The following TOX3 variants were observed in gnomAD, a reference collection of about 807,000 sequenced individuals.
TOX3 encodes CAG trinucleotide repeat-containing gene F9 protein.
In TOX3, 22 loss-of-function variants were observed where a neutral mutation model predicts 64.3. That is an observed-to-expected ratio of 0.34 (90% CI 0.24 to 0.49). The LOEUF is 0.49. Among genes scored for constraint, TOX3 ranks in the 20% least tolerant of loss-of-function variants. The probability of loss-of-function intolerance (pLI) is 0.99; values close to 1 mark genes in which losing one functional copy is unlikely to be tolerated. For missense variants in TOX3, 661 were observed against 714.4 expected, an observed-to-expected ratio of 0.93 and a Z score of 0.85; for synonymous variants, 291 against 273.6, an observed-to-expected ratio of 1.06 and a Z score of -0.63.
At chr16:52,484,962 A>T (rs1961470856) in intron 1 of TOX3, among the ~76,000 whole-genome samples, 1 of 151,908 alleles carries the variant, frequency 6.6e-6, no homozygotes, top group African/African-American at 2.4e-5. Flanking sequence ...TTGCAGCACT[A>T]TTCACAATAG....
At chr16:52,443,205 C>A (rs1248319445) in intron 6 of TOX3, among the ~76,000 whole-genome samples, 1 of 152,218 alleles carries the variant, frequency 6.6e-6, no homozygotes, top group African/African-American at 2.4e-5. Context: ...CCCACACAGT[C>A]AGCTGTTTTC....
At chr16:52,541,028 G>C (rs1321239796) in intron 1 of TOX3, among the ~76,000 whole-genome samples, 1 of 151,964 alleles carries the variant, frequency 6.6e-6, no homozygotes, top group Non-Finnish European at 1.5e-5. Flanking sequence ...CTTGACCTTA[G>C]AAGGCCCTCT....
At chr16:52,444,042 A>C (rs931920955) in intron 6 of TOX3, among the ~76,000 whole-genome samples, 4 of 152,202 alleles carry the variant, frequency 2.6e-5, no homozygotes, top group Admixed American at 6.5e-5. Context: ...CTACATACAC[A>C]TATATAAAGA....
At chr16:52,461,092 T>TA (rs199805931) in intron 3 of TOX3, among the ~76,000 whole-genome samples, 89 of 151,448 alleles carry the variant, frequency 5.9e-4, no homozygotes, top group East Asian at 1.4e-3. Flanking sequence ...AGAGAGGTGT[T>TA]AAAAAAAAAC....
chr16:52,515,597 A>G (rs1962432777), intron 1 of TOX3, among the ~76,000 whole-genome samples: 1 of 152,222 alleles, frequency 6.6e-6, no homozygotes, highest in Non-Finnish European at 1.5e-5. Context: ...TCAGTGATCA[A>G]GTGTAACACC....
In TOX3 at chr16:52,455,571, T is replaced by C. The variant is rs143705841; in HGVS notation, c.409-5025A>G. Among the ~76,000 whole-genome samples, 110 of 152,164 alleles carry C rather than the reference T, an allele frequency of 7.2e-4. 4 individuals are homozygous for C. The highest frequency in any genetic ancestry group is 2.9e-5 in the Non-Finnish European group (2 of 68,032). On this transcript the variant is annotated intron_variant, in intron 3 of 6. Coordinates refer to ENST00000219746, the MANE Select transcript of TOX3 (RefSeq NM_001080430.4). ...CACATAAACAAGATTCCAACTGTGA[T>C]AAATATTGGGAAGAAAATAAATAGG...
intron 1 of TOX3, among the ~76,000 whole-genome samples, chr16:52,470,785 G>T (rs570070558): frequency 1.2e-4 from 18 of 152,256 alleles, no homozygotes; most frequent in African/African-American, 4.3e-4. Context: ...AATTTGAAAC[G>T]CTCTTACCTG....
At chr16:52,535,458 T>TA (rs964557552) in intron 1 of TOX3, among the ~76,000 whole-genome samples, 2 of 152,206 alleles carry the variant, frequency 1.3e-5, no homozygotes, top group African/African-American at 4.8e-5. Context: ...GGAGGTTGAC[T>TA]AGAGGTCAAC....
At position 52,490,866 on chromosome 16, in the gene TOX3, C is replaced by T. The variant is rs529152336; in HGVS notation, c.88-22292G>A. On this transcript the variant is annotated intron_variant, in intron 1 of 6. Coordinates refer to ENST00000219746, the MANE Select transcript of TOX3 (RefSeq NM_001080430.4). ...CTGGTCTCAAACTTCTGGGCTCAAGCGATCCACCCACCTCAGCCTCCCAAA... is the reference window on the plus strand; with the variant it reads ...CTGGTCTCAAACTTCTGGGCTCAAGTGATCCACCCACCTCAGCCTCCCAAA... Among the ~76,000 whole-genome samples, 182 of 152,042 alleles carry T rather than the reference C, an allele frequency of 1.2e-3. 1 individual carries two copies. The highest frequency in any genetic ancestry group is 4.2e-3 in the African/African-American group (174 of 41,492).
chr16:52,441,622 G>A (rs1959991845), intron 6 of TOX3, among the ~76,000 whole-genome samples: 1 of 151,992 alleles, frequency 6.6e-6, no homozygotes, highest in South Asian at 2.1e-4. Context: ...TGTGTTGTAG[G>A]GGCACCTAGG....
intron 1 of TOX3, among the ~76,000 whole-genome samples, chr16:52,522,982 C>A (rs1201049054): frequency 6.6e-6 from 1 of 152,204 alleles, no homozygotes; most frequent in Admixed American, 6.5e-5. Context: ...AGACAGAAAT[C>A]TCTGCCTTCG....
Position 52,546,921 on chromosome 16 carries a change from C to A in TOX3, c.-198G>T. On this transcript the variant is annotated 5_prime_UTR_variant, in exon 1 of 7. Coordinates refer to ENST00000219746, the MANE Select transcript of TOX3 (RefSeq NM_001080430.4). ...GCACACAAAGGCGCGGCCACGCGAG[C>A]CGCGGGAGAGCGGGAGGCGGCCGGG... is the stretch of plus-strand genomic sequence containing the variant. The A allele has an allele frequency of 9.4e-7, 1 of 1,062,736 alleles. No individual in the cohort carries two copies. The allele number at this position is 1,062,736 out of a possible 1,614,324, so 65.8% of individuals were successfully genotyped here. A position where few individuals can be genotyped will look rare whatever the true frequency, so the allele number is the denominator to read the frequency against.
intron 1 of TOX3, among the ~76,000 whole-genome samples, chr16:52,535,858 A>T (rs971548700): frequency 2.0e-5 from 3 of 149,874 alleles, no homozygotes; most frequent in East Asian, 1.9e-4. Flanking sequence ...AAATACTGAT[A>T]AAAAAAATTA....
chr16:52,517,724 C>A (rs1345281828), intron 1 of TOX3, among the ~76,000 whole-genome samples: 1 of 151,874 alleles, frequency 6.6e-6, no homozygotes, highest in East Asian at 1.9e-4. Flanking sequence ...TCAGATTAAA[C>A]ACACCAAGGT....
Position 52,450,406 on chromosome 16 carries a change from G to A in TOX3, c.549C>T (p.Ser183=), listed in dbSNP as rs201685761. 3.7e-4 allele frequency: 602 copies of A among 1,613,880 alleles called. 1 individual carries two copies. Among genetic ancestry groups the A allele is most frequent in the Non-Finnish European group, 4.6e-4 (548 of 1,179,898 alleles). The change falls in exon 4 of 7, where the codon AGC becomes AGT. Residue 183 remains serine (S), a synonymous_variant. Transcript: ENST00000219746. ...QLTTINQSQL[S]AQLGLNLGGA... Reference sequence around the variant, plus strand: ...CTCCCAAATTCAACCCCAACTGGGCGCTGAGCTGAGACTGGTTGATGGTGG... The same window carrying A: ...CTCCCAAATTCAACCCCAACTGGGCACTGAGCTGAGACTGGTTGATGGTGG...
At chr16:52,446,679 A>AT (rs34933798) in intron 4 of TOX3, among the ~76,000 whole-genome samples, 11 of 150,892 alleles carry the variant, frequency 7.3e-5, no homozygotes, top group Admixed American at 2.0e-4. Flanking sequence ...GTCTGAATTG[A>AT]TTTTTTTTTT....
chr16:52,497,793 T>C (rs967031622), intron 1 of TOX3, among the ~76,000 whole-genome samples: 1 of 152,164 alleles, frequency 6.6e-6, no homozygotes. Flanking sequence ...TTTTTTTTAA[T>C]GTTTAGGGCC....
At position 52,450,329 on chromosome 16, in the gene TOX3, G is replaced by C; in HGVS notation, c.626C>G (p.Thr209Ser). The change falls in exon 4 of 7, where the codon ACT becomes AGT. Residue 209 changes from threonine (T) to serine (S), a missense_variant. Coordinates refer to ENST00000219746, the MANE Select transcript of TOX3 (RefSeq NM_001080430.4). ...ATTGATGGAGCTGGAAGGGGAGGGA[G>C]TGGCTGATTTGCTTGCTGGAGGTGA... ...SPSPPASKSA[T>S]PSPSSSINEE... 1.2e-6 allele frequency: 2 copies of C among 1,613,998 alleles called. No individual in the cohort carries two copies. The highest frequency in any genetic ancestry group is 1.7e-6 in the Non-Finnish European group (2 of 1,179,886).
intron 5 of TOX3, 101 bp downstream of exon 5, chr16:52,445,893 G>T: frequency 9.3e-7 from 1 of 1,075,378 alleles, no homozygotes; most frequent in Non-Finnish European, 1.3e-6. Context: ...TTCAAAAGAA[G>T]CAATCATATT....
Sources: gnomAD v4.1 joint callset for allele counts (sites outside exome capture counted in the v4.1 genomes callset) on GRCh38, gnomAD v4.1.1 for gene constraint, MANE v1.5 for transcripts, NCBI Gene and HGNC (gene_info 2026-07-23, HGNC 2026-07-21) for gene names.